Variants in PIAS1 observed in about 807,000 individuals in gnomAD.
PIAS1 encodes the protein E3 SUMO-protein ligase PIAS1.
PIAS1 carries 6 observed loss-of-function variants against 71.3 expected under a neutral mutation model. The observed-to-expected ratio is 0.08, with a 90% CI of 0.05 to 0.17. The LOEUF (loss-of-function observed/expected upper bound fraction) is 0.17, where lower values mean the gene tolerates loss of function less well. PIAS1 is among the 10% of genes least tolerant of loss of function. PIAS1 has a pLI of 1.00. For synonymous variants in PIAS1, 303 were observed against 292.9 expected (o/e 1.03, Z -0.35); for missense variants, 555 against 793.6 (o/e 0.70, Z 3.61).
intron 1 of PIAS1, among the ~76,000 whole-genome samples, chr15:68,060,754 A>G (rs1057101656): frequency 6.6e-6 from 1 of 151,190 alleles, no homozygotes. Flanking sequence ...CATAGTTTCA[A>G]GGATCCACAA....
At position 68,188,083 on chromosome 15, in the gene PIAS1, A is replaced by C; in HGVS notation, c.*248A>C. On this transcript the variant is annotated 3_prime_UTR_variant, in exon 14 of 14. Coordinates refer to ENST00000249636, the MANE Select transcript of PIAS1 (RefSeq NM_016166.3). Reference sequence around the variant, plus strand: ...CTTGTTTAAAAAAAAAAAGGAAAGAAAAGAAAAAAGAAAAACAAGCACCCA... The same window carrying C: ...CTTGTTTAAAAAAAAAAAGGAAAGACAAGAAAAAAGAAAAACAAGCACCCA... The C allele has an allele frequency of 3.6e-6, 1 of 281,596 alleles. No homozygotes were observed. Among genetic ancestry groups the C allele is most frequent in the Non-Finnish European group, 6.6e-6 (1 of 151,116 alleles). The allele number at this position is 281,596 out of a possible 1,614,324, so 17.4% of individuals were successfully genotyped here. A position where few individuals can be genotyped will look rare whatever the true frequency, so the allele number is the denominator to read the frequency against.
At chr15:68,142,206 C>T in intron 3 of PIAS1, 84 bp from the exon 4 acceptor site, 2 of 1,229,442 alleles carry the variant, frequency 1.6e-6, no homozygotes, top group Non-Finnish European at 2.3e-6. Flanking sequence ...ATTTGAAAAA[C>T]TTTTCTGGAG....
Position 68,173,651 on chromosome 15 carries a change from G to C in PIAS1, c.1009-81G>C. ...ATGCTTTAAATCAGCATGCCTACCT[G>C]TTGTGTTCTAGGAAATTTTTGTCAA... On this transcript the variant is annotated intron_variant, in intron 8 of 13. Coordinates refer to ENST00000249636, the MANE Select transcript of PIAS1 (RefSeq NM_016166.3). This position sits in a 1 kb window ranked among gnomAD's most constrained non-coding sequence, Gnocchi z 4.3. 1.0e-6 allele frequency: 1 copy of C among 967,922 alleles called. No individual in the cohort carries two copies. The highest frequency in any genetic ancestry group is 1.5e-6 in the Non-Finnish European group (1 of 680,284). The allele number at this position is 967,922 out of a possible 1,614,324, so 60.0% of individuals were successfully genotyped here.
intron 2 of PIAS1, among the ~76,000 whole-genome samples, chr15:68,106,712 T>C (rs2092473411): frequency 6.6e-6 from 1 of 152,186 alleles, no homozygotes; most frequent in South Asian, 2.1e-4. Flanking sequence ...CCTCCTAATA[T>C]TATCTATAAA....
Position 68,077,549 on chromosome 15 carries a change from A to G in PIAS1, c.25-8757A>G, listed in dbSNP as rs151012839. Among the ~76,000 whole-genome samples the G allele has an allele frequency of 4.1e-3, 622 of 152,346 alleles. 7 individuals are homozygous for G. Among genetic ancestry groups the G allele is most frequent in the Middle Eastern group, 0.02 (6 of 294 alleles). ...CTTTTCGCTAATGTGGGCAGCTTTT[A>G]AAGGTTGTGAACTCTTAGAAGTGTT... is the stretch of plus-strand genomic sequence containing the variant. On this transcript the variant is annotated intron_variant, in intron 1 of 13. Transcript: ENST00000249636.
chr15:68,145,290 G>T (rs1189787879), intron 4 of PIAS1, among the ~76,000 whole-genome samples: 1 of 152,056 alleles, frequency 6.6e-6, no homozygotes, highest in Non-Finnish European at 1.5e-5. Flanking sequence ...CCTGGGGATG[G>T]ACTTAAAAGC....
chr15:68,182,472 C>T (rs1193305632), intron 12 of PIAS1, among the ~76,000 whole-genome samples: 2 of 101,372 alleles, frequency 2.0e-5, no homozygotes, highest in Non-Finnish European at 4.1e-5. Context: ...CGGAGTTTTG[C>T]TCTTATTGCT....
intron 2 of PIAS1, among the ~76,000 whole-genome samples, chr15:68,137,804 G>GAAT (rs1023326006): frequency 1.3e-5 from 2 of 152,170 alleles, no homozygotes; most frequent in African/African-American, 2.4e-5. Context: ...ACATCTGGAA[G>GAAT]AATATATCAA....
chr15:68,066,658 A>G (rs1305433287), intron 1 of PIAS1, among the ~76,000 whole-genome samples: 1 of 152,146 alleles, frequency 6.6e-6, no homozygotes, highest in Admixed American at 6.5e-5. Context: ...GTGGTGTGTG[A>G]AAAACTTCAG....
chr15:68,150,902 A>T (rs2092839192), intron 6 of PIAS1, among the ~76,000 whole-genome samples: 1 of 152,166 alleles, frequency 6.6e-6, no homozygotes, highest in African/African-American at 2.4e-5. Flanking sequence ...CAAAATACTT[A>T]TAGTCCCAAG....
rs149620929 is a variant in PIAS1, at chr15:68,185,240, C to T, written c.1662+1573C>T. On this transcript the variant is annotated intron_variant, in intron 13 of 13. Coordinates refer to ENST00000249636, the MANE Select transcript of PIAS1 (RefSeq NM_016166.3). This position sits in a 1 kb window ranked among gnomAD's most constrained non-coding sequence, Gnocchi z 4.4. The stretch of plus-strand genomic sequence containing the variant: ...GGCTATTGCTGCAACTGAAAAACAC[C>T]GAGAGGACACTGATGCAATTCTGGA... Among the ~76,000 whole-genome samples the T allele has an allele frequency of 3.3e-5, 5 of 152,050 alleles. No individual in the cohort carries two copies. Among genetic ancestry groups the T allele is most frequent in the East Asian group, 3.9e-4 (2 of 5,174 alleles).
chr15:68,086,221 G>A lies in PIAS1; in HGVS notation c.25-85G>A. 4 of 910,422 alleles carry A rather than the reference G, an allele frequency of 4.4e-6. No homozygotes were observed. In the South Asian group the frequency reaches 5.6e-5, roughly 13 times the overall value. 56.4% of individuals were successfully genotyped at this position (910,422 alleles called of 1,614,324 possible). ...CTTTATTTGCTTAAGTAAACCATAA[G>A]AAGGGGGTTATAATAAAGTGTCATT... On this transcript the variant is annotated intron_variant, in intron 1 of 13. Transcript: ENST00000249636. The surrounding 1 kb of genome is among the most constrained non-coding windows in gnomAD (Gnocchi z 7.2).
At chr15:68,058,381 A>G (rs1445087092) in intron 1 of PIAS1, among the ~76,000 whole-genome samples, 2 of 152,250 alleles carry the variant, frequency 1.3e-5, no homozygotes, top group Non-Finnish European at 2.9e-5. Flanking sequence ...TCTTTGAGGT[A>G]GGAAAGGCAA....
intron 1 of PIAS1, among the ~76,000 whole-genome samples, chr15:68,073,352 C>A (rs947652959): frequency 2.0e-5 from 3 of 152,086 alleles, no homozygotes; most frequent in Non-Finnish European, 4.4e-5. Flanking sequence ...ATTTGCATTA[C>A]CAATATGGTT....
At chr15:68,083,209 A>G (rs569050865) in intron 1 of PIAS1, among the ~76,000 whole-genome samples, 85 of 152,184 alleles carry the variant, frequency 5.6e-4, no homozygotes, top group Non-Finnish European at 8.7e-4. Flanking sequence ...TCATTTCAAC[A>G]ACTCAGATGT....
rs934549934 is a variant in PIAS1 at position 68,188,588 on chromosome 15, T to A, written c.*753T>A. ...TATCAACTATCCCAATTGCATGTTC[T>A]CCATCACATATTCTCTTATTTGCTC... On this transcript the variant is annotated 3_prime_UTR_variant, in exon 14 of 14. Coordinates refer to ENST00000249636, the MANE Select transcript of PIAS1 (RefSeq NM_016166.3). 2.0e-5 allele frequency: 3 copies of A among 152,228 alleles called. No homozygotes were observed. Among genetic ancestry groups the A allele is most frequent in the Non-Finnish European group, 4.4e-5 (3 of 68,052 alleles). 9.4% of individuals were successfully genotyped at this position (152,228 alleles called of 1,614,324 possible). A position where few individuals can be genotyped will look rare whatever the true frequency, so the allele number is the denominator to read the frequency against.
intron 6 of PIAS1, among the ~76,000 whole-genome samples, chr15:68,148,852 A>G (rs2092826380): frequency 6.6e-6 from 1 of 152,252 alleles, no homozygotes; most frequent in Non-Finnish European, 1.5e-5. Flanking sequence ...CTTAGGAGCC[A>G]GCTCTTGTGG....
At chr15:68,077,969 C>A (rs775974429) in intron 1 of PIAS1, among the ~76,000 whole-genome samples, 3 of 152,134 alleles carry the variant, frequency 2.0e-5, no homozygotes, top group Non-Finnish European at 4.4e-5. Context: ...CGTGTTTCTT[C>A]TTTTAGGCTT....
At chr15:68,057,218 C>G (rs1176025653) in intron 1 of PIAS1, among the ~76,000 whole-genome samples, 1 of 152,118 alleles carries the variant, frequency 6.6e-6, no homozygotes, top group Non-Finnish European at 1.5e-5. Context: ...TCATACATAT[C>G]AAAATGAATT....
Sources: gnomAD v4.1 joint callset for allele counts (sites outside exome capture counted in the v4.1 genomes callset) on GRCh38, gnomAD v4.1.1 for gene constraint, Gnocchi (gnomAD v3.1) non-coding constraint, MANE v1.5 for transcripts, NCBI Gene and HGNC (gene_info 2026-07-23, HGNC 2026-07-21) for gene names.